The following VPS13D variants were observed in gnomAD, a reference collection of about 807,000 sequenced individuals.
VPS13D encodes the protein intermembrane lipid transfer protein VPS13D.
In VPS13D, 187 loss-of-function variants were observed where a neutral mutation model predicts 461.9. The ratio of observed to expected loss-of-function variants is 0.40; its 90% confidence interval spans 0.36 to 0.46. The LOEUF is 0.46. VPS13D is among the 20% of genes least tolerant of loss of function. The pLI, the probability that VPS13D is intolerant of heterozygous loss-of-function variation, is 0.60. For synonymous variants in VPS13D, 1,951 were observed against 1,986.3 expected (o/e 0.98, Z 0.47); for missense variants, 4,711 against 5,364.9 (o/e 0.88, Z 3.81).
intron 66 of VPS13D, 112 bp from the exon 67 acceptor site, chr1:12,460,089 C>G (rs1378254774): frequency 1.0e-6 from 1 of 1,004,412 alleles, no homozygotes; most frequent in African/African-American, 1.7e-5. Context: ...CTCTCTGGCA[C>G]AGAGATTAAT....
intron 1 of VPS13D, among the ~76,000 whole-genome samples, chr1:12,233,025 A>G (rs1042021630): frequency 1.7e-5 from 2 of 120,274 alleles, no homozygotes; most frequent in African/African-American, 6.3e-5. Flanking sequence ...TTTTTTTTTG[A>G]GATGGAGTCT....
chr1:12,314,340 G>A lies in VPS13D; in HGVS notation c.7148+13G>A. ...AACTACATTTCAGGTAGCAGGTCCA[G>A]ACCCTTCTCTGCCTTTCTTTGTGGA... On this transcript the variant is annotated intron_variant, in intron 30 of 69. Coordinates refer to ENST00000620676, the MANE Select transcript of VPS13D (RefSeq NM_015378.4). 1 of 1,603,476 alleles carries A rather than the reference G, an allele frequency of 6.2e-7. No individual in the cohort carries two copies. The highest frequency in any genetic ancestry group is 8.5e-7 in the Non-Finnish European group (1 of 1,171,544).
intron 24 of VPS13D, 22 bp downstream of exon 24, chr1:12,293,726 A>G (rs1569831178): frequency 6.2e-7 from 1 of 1,605,930 alleles, no homozygotes; most frequent in Non-Finnish European, 8.5e-7. Flanking sequence ...GGGCCCTCCA[A>G]GCTGCTTTTC....
chr1:12,422,185 A>G (rs1360174089), intron 65 of VPS13D, among the ~76,000 whole-genome samples: 3 of 152,048 alleles, frequency 2.0e-5, no homozygotes, highest in Non-Finnish European at 2.9e-5. Context: ...GATTCTGGGT[A>G]CCTTTTTGAT....
At chr1:12,394,632 G>A (rs1267274679) in intron 60 of VPS13D, among the ~76,000 whole-genome samples, 2 of 152,184 alleles carry the variant, frequency 1.3e-5, no homozygotes, top group African/African-American at 4.8e-5. Flanking sequence ...CATTGGTCAA[G>A]GATATATCTT....
intron 24 of VPS13D, among the ~76,000 whole-genome samples, chr1:12,297,294 T>C (rs1366284001): frequency 6.6e-6 from 1 of 152,234 alleles, no homozygotes; most frequent in Non-Finnish European, 1.5e-5. Flanking sequence ...GTATCAGTTA[T>C]ACCAGATGTG....
chr1:12,462,045 G>A (rs760750877), intron 67 of VPS13D, among the ~76,000 whole-genome samples: 1 of 152,196 alleles, frequency 6.6e-6, no homozygotes, highest in Non-Finnish European at 1.5e-5. Flanking sequence ...TTCATTGCCT[G>A]TCAGTAAATA....
intron 30 of VPS13D, among the ~76,000 whole-genome samples, chr1:12,315,972 A>G (rs1296783197): frequency 6.6e-6 from 1 of 151,978 alleles, no homozygotes; most frequent in Non-Finnish European, 1.5e-5. Flanking sequence ...TCCTGCCACC[A>G]TGGCTGGCTA....
intron 2 of VPS13D, among the ~76,000 whole-genome samples, chr1:12,241,918 G>A (rs537806894): frequency 6.6e-6 from 1 of 152,160 alleles, no homozygotes; most frequent in Non-Finnish European, 1.5e-5. Context: ...GTTGGTCTGC[G>A]GGTGGGGCCC....
At chr1:12,499,582 C>T in intron 68 of VPS13D, 1 of 985,408 alleles carries the variant, frequency 1.0e-6, no homozygotes, top group Non-Finnish European at 1.2e-6. Flanking sequence ...GAAATGAAAT[C>T]AGTAAAATAG....
chr1:12,315,210 C>T (rs776024423), intron 30 of VPS13D, among the ~76,000 whole-genome samples: 3 of 152,122 alleles, frequency 2.0e-5, no homozygotes, highest in Non-Finnish European at 4.4e-5. Context: ...TAAGTATAAA[C>T]CACTAAGTAA....
intron 65 of VPS13D, among the ~76,000 whole-genome samples, chr1:12,418,986 G>A (rs1644829423): frequency 6.6e-6 from 1 of 152,154 alleles, no homozygotes; most frequent in Non-Finnish European, 1.5e-5. Context: ...TGAAAGGATT[G>A]GCCCTTTATT....
chr1:12,370,199 T>C (rs1000042104), intron 54 of VPS13D, among the ~76,000 whole-genome samples: 1 of 152,164 alleles, frequency 6.6e-6, no homozygotes. Context: ...GTTTGACTAG[T>C]TGTATTTAGA....
chr1:12,246,500 C>T (rs1640554680), intron 5 of VPS13D, among the ~76,000 whole-genome samples: 1 of 152,158 alleles, frequency 6.6e-6, no homozygotes, highest in African/African-American at 2.4e-5. Flanking sequence ...TCAAAATCCC[C>T]CCCAAAAATG....
intron 42 of VPS13D, among the ~76,000 whole-genome samples, chr1:12,344,088 T>C (rs529228730): frequency 3.9e-5 from 6 of 152,346 alleles, no homozygotes; most frequent in Non-Finnish European, 7.3e-5. Flanking sequence ...TACTGAGAGA[T>C]CATAAAATAT....
In VPS13D at chr1:12,473,987, A is replaced by G. The variant is rs555634119; in HGVS notation, c.12662+13591A>G. On this transcript the variant is annotated intron_variant, in intron 67 of 69. Coordinates refer to ENST00000620676, the MANE Select transcript of VPS13D (RefSeq NM_015378.4). The surrounding 1 kb of genome is among the most constrained non-coding windows in gnomAD (Gnocchi z 4.2). The stretch of plus-strand genomic sequence containing the variant: ...TGAACCCACTTGTGAAGAGCAGGTG[A>G]CCCCAAACTATTGTTAGTGTCTGCT... Among the ~76,000 whole-genome samples the G allele has an allele frequency of 6.6e-6, 1 of 152,198 alleles. No homozygotes were observed. The highest frequency in any genetic ancestry group is 2.4e-5 in the African/African-American group (1 of 41,524).
At chr1:12,450,483 C>T (rs966827913) in intron 65 of VPS13D, among the ~76,000 whole-genome samples, 2 of 152,126 alleles carry the variant, frequency 1.3e-5, no homozygotes, top group Admixed American at 6.6e-5. Flanking sequence ...TTTGACTTGA[C>T]GATGACGTAA....
In VPS13D at chr1:12,268,575, A is replaced by T. The variant is rs565538821; in HGVS notation, c.1802-131A>T. Reference sequence around the variant, plus strand: ...CCTGATGAGGCTTTCTATTTTAAAGATAGGCATAAATGTGAACTAATTGAA... The same window carrying T: ...CCTGATGAGGCTTTCTATTTTAAAGTTAGGCATAAATGTGAACTAATTGAA... On this transcript the variant is annotated intron_variant, in intron 15 of 69. Coordinates refer to ENST00000620676, the MANE Select transcript of VPS13D (RefSeq NM_015378.4). The T allele has an allele frequency of 1.3e-5, 13 of 1,034,604 alleles. No individual in the cohort carries two copies. In the South Asian group the frequency reaches 2.1e-4, roughly 17 times the overall value. 64.1% of individuals were successfully genotyped at this position (1,034,604 alleles called of 1,614,324 possible).
At position 12,268,872 on chromosome 1, in the gene VPS13D, C is replaced by A. The variant is rs769638726; in HGVS notation, c.1968C>A (p.Thr656=). ...ADFFYKGKVH[T]SGFGYQSELE... Reference sequence around the variant, plus strand: ...TTTTCTACAAGGGAAAGGTTCATACCTCAGGTTAACTTTTTTGTTTGTTTG... The same window carrying A: ...TTTTCTACAAGGGAAAGGTTCATACATCAGGTTAACTTTTTTGTTTGTTTG... Residue 656 remains threonine (T), a synonymous_variant, in exon 16 of 70, where the codon ACC becomes ACA. Coordinates refer to ENST00000620676, the MANE Select transcript of VPS13D (RefSeq NM_015378.4). The A allele has an allele frequency of 6.3e-7, 1 of 1,599,250 alleles. No individual in the cohort carries two copies. The highest frequency in any genetic ancestry group is 8.5e-7 in the Non-Finnish European group (1 of 1,176,412).
Sources: allele counts gnomAD v4.1 joint callset (sites outside exome capture counted in the v4.1 genomes callset), GRCh38; gene constraint gnomAD v4.1.1; non-coding constraint Gnocchi (gnomAD v3.1); transcripts MANE v1.5; gene names NCBI Gene and HGNC (gene_info 2026-07-23, HGNC 2026-07-21).